The following FARP1 variants were observed in gnomAD, a reference collection of about 807,000 sequenced individuals.
The protein encoded by FARP1 is FERM, ARHGEF and pleckstrin domain-containing protein 1.
In FARP1, 52 loss-of-function variants were observed where a neutral mutation model predicts 128.8. The observed-to-expected ratio is 0.40, with a 90% CI of 0.32 to 0.51. FARP1 has a LOEUF of 0.51. FARP1 is among the 20% of genes least tolerant of loss of function. The pLI, the probability that FARP1 is intolerant of heterozygous loss-of-function variation, is 0.45. For synonymous variants in FARP1, 580 were observed against 551.8 expected, an observed-to-expected ratio of 1.05 and a Z score of -0.72; for missense variants, 1,333 against 1,367.9, an observed-to-expected ratio of 0.97 and a Z score of 0.40.
intron 1 of FARP1, among the ~76,000 whole-genome samples, chr13:98,165,693 A>C (rs1396887488): frequency 1.3e-5 from 2 of 148,540 alleles, no homozygotes; most frequent in Non-Finnish European, 3.0e-5. Flanking sequence ...AAAAAAAAAA[A>C]AACCCTTCCA....
intron 2 of FARP1, among the ~76,000 whole-genome samples, chr13:98,239,280 C>T (rs1432078601): frequency 6.6e-6 from 1 of 152,168 alleles, no homozygotes; most frequent in Non-Finnish European, 1.5e-5. Flanking sequence ...GTTGTGTTTT[C>T]TCTCCCTCAT....
intron 6 of FARP1, among the ~76,000 whole-genome samples, chr13:98,383,082 G>A (rs558051053): frequency 4.6e-5 from 7 of 152,136 alleles, no homozygotes; most frequent in Admixed American, 1.3e-4. Flanking sequence ...ACCTCACCCC[G>A]TATTTCCCCT....
At chr13:98,311,707 G>A (rs1331072951) in intron 2 of FARP1, among the ~76,000 whole-genome samples, 1 of 152,172 alleles carries the variant, frequency 6.6e-6, no homozygotes. Flanking sequence ...AATAAAGTAA[G>A]AGCCTTTGAA....
At chr13:98,329,391 G>A (rs1887388188) in intron 2 of FARP1, 1 of 152,246 alleles carries the variant, frequency 6.6e-6, no homozygotes, top group African/African-American at 2.4e-5. Context: ...GCCAGGTGTG[G>A]TGGCTCACGC....
In FARP1 at chr13:98,453,006, A is replaced by G; in HGVS notation, c.*4689A>G. The G allele has an allele frequency of 1.6e-6, 1 of 611,788 alleles. No homozygotes were observed. The highest frequency in any genetic ancestry group is 1.9e-5 in the African/African-American group (1 of 53,146). 37.9% of individuals were successfully genotyped at this position (611,788 alleles called of 1,614,324 possible). ...CATCTGAGAGACTTCATCTGGCTGCAGCACAGTGAAGACTGTGTGTGTCCC... is the reference window on the plus strand; with the variant it reads ...CATCTGAGAGACTTCATCTGGCTGCGGCACAGTGAAGACTGTGTGTGTCCC... On this transcript the variant is annotated 3_prime_UTR_variant, in exon 27 of 27. Coordinates refer to ENST00000319562, the MANE Select transcript of FARP1 (RefSeq NM_005766.4).
intron 12 of FARP1, 88 bp downstream of exon 12, chr13:98,393,806 CT>C: frequency 2.1e-6 from 2 of 960,116 alleles, no homozygotes; most frequent in African/African-American, 1.6e-5. Flanking sequence ...CTTTCTTGTT[CT>C]CTGTCCTTTC....
Position 98,448,620 on chromosome 13 carries a change from CAG to C in FARP1, c.*304_*305del, listed in dbSNP as rs1893014891. 1 of 344,148 alleles carries C rather than the reference CAG, an allele frequency of 2.9e-6. No individual in the cohort carries two copies. The highest frequency in any genetic ancestry group is 6.4e-5 in the East Asian group (1 of 15,718). The allele number at this position is 344,148 out of a possible 1,614,324, so 21.3% of individuals were successfully genotyped here. On this transcript the variant is annotated 3_prime_UTR_variant, in exon 27 of 27. Transcript: ENST00000319562. ...TTCCCTCCACCCTGCCCCTGAAAAA[CAG>C]TACACACACATCCGTTCAACACAAG... is the stretch of plus-strand genomic sequence containing the variant.
chr13:98,223,401 C>G (rs1881549069), intron 2 of FARP1, among the ~76,000 whole-genome samples: 1 of 152,240 alleles, frequency 6.6e-6, no homozygotes, highest in African/African-American at 2.4e-5. Flanking sequence ...TATTGGCTCA[C>G]TGCAACCTCC....
At chr13:98,315,460 C>T (rs1341235621) in intron 2 of FARP1, among the ~76,000 whole-genome samples, 2 of 152,194 alleles carry the variant, frequency 1.3e-5, no homozygotes, top group Non-Finnish European at 2.9e-5. Flanking sequence ...GTGTTATGAT[C>T]AAGCACTTAT....
intron 2 of FARP1, among the ~76,000 whole-genome samples, chr13:98,290,725 G>A (rs1483005132): frequency 6.6e-6 from 1 of 152,098 alleles, no homozygotes; most frequent in African/African-American, 2.4e-5. Context: ...GTGGTGGGAA[G>A]TGCTGGGGTT....
chr13:98,193,360 CTCT>C (rs1160507982), intron 1 of FARP1, among the ~76,000 whole-genome samples: 3 of 152,180 alleles, frequency 2.0e-5, no homozygotes, highest in Non-Finnish European at 4.4e-5. Flanking sequence ...CCAGCCAAGA[CTCT>C]TCTTACATAT....
chr13:98,309,193 G>C (rs1266899528), intron 2 of FARP1, among the ~76,000 whole-genome samples: 2 of 100,820 alleles, frequency 2.0e-5, no homozygotes, highest in Non-Finnish European at 3.5e-5. Context: ...TGGAGACGGA[G>C]TCTCGCTCTG....
Position 98,440,624 on chromosome 13 carries a change from G to T in FARP1, c.2630-46G>T, listed in dbSNP as rs779611622. ...ACCTCAGAGTGTATCAGGAAGGGGC[G>T]CTGGGAGGAAAGATCAGAAGTGCTG... On this transcript the variant is annotated intron_variant, in intron 23 of 26. Transcript: ENST00000319562. The T allele has an allele frequency of 7.0e-6, 11 of 1,571,138 alleles. 1 individual carries two copies. The highest frequency in any genetic ancestry group is 4.5e-5 in the East Asian group (2 of 44,350).
At chr13:98,280,336 C>T (rs975423875) in intron 2 of FARP1, among the ~76,000 whole-genome samples, 43 of 152,222 alleles carry the variant, frequency 2.8e-4, no homozygotes, top group African/African-American at 9.2e-4. Flanking sequence ...GGAAATGGCC[C>T]GAGCTGGTGC....
At chr13:98,225,257 T>C (rs1645507299) in intron 2 of FARP1, among the ~76,000 whole-genome samples, 1 of 152,190 alleles carries the variant, frequency 6.6e-6, no homozygotes, top group African/African-American at 2.4e-5. Flanking sequence ...AGAACAACTC[T>C]TTTCCTTTTA....
intron 4 of FARP1, among the ~76,000 whole-genome samples, chr13:98,365,993 T>A (rs1889066603): frequency 6.6e-6 from 1 of 151,730 alleles, no homozygotes; most frequent in African/African-American, 2.4e-5. Context: ...AAGAAAAGAT[T>A]AAGGAATGTG....
chr13:98,241,498 G>A (rs1191170859), intron 2 of FARP1, among the ~76,000 whole-genome samples: 4 of 152,172 alleles, frequency 2.6e-5, no homozygotes, highest in African/African-American at 9.7e-5. Flanking sequence ...AGAAAAATGG[G>A]GCCAGGCATG....
intron 8 of FARP1, among the ~76,000 whole-genome samples, chr13:98,386,208 T>TTTTTTC (rs1555342699): frequency 7.5e-5 from 11 of 146,122 alleles, no homozygotes; most frequent in African/African-American, 2.3e-4. Context: ...TTTTTTTTTT[T>TTTTTTC]CAAACACAGT....
chr13:98,351,855 C>G (rs1336175900), intron 3 of FARP1, among the ~76,000 whole-genome samples: 3 of 152,024 alleles, frequency 2.0e-5, no homozygotes, highest in Non-Finnish European at 4.4e-5. Flanking sequence ...TGGTGCCAAA[C>G]CACTCATGAG....
Sources: allele counts gnomAD v4.1 joint callset (sites outside exome capture counted in the v4.1 genomes callset), GRCh38; gene constraint gnomAD v4.1.1; transcripts MANE v1.5; gene names NCBI Gene and HGNC (gene_info 2026-07-23, HGNC 2026-07-21).